The following TRPM6 variants were observed in gnomAD, a reference collection of about 807,000 sequenced individuals.
TRPM6 encodes channel kinase 2.
A neutral mutation model predicts 247.6 loss-of-function variants in TRPM6; 111 were observed. The ratio of observed to expected loss-of-function variants is 0.45; its 90% CI spans 0.38 to 0.52. The LOEUF (loss-of-function observed/expected upper bound fraction) is 0.52, where lower values mean the gene tolerates loss of function less well. Ranked by LOEUF, TRPM6 falls within the 20% of genes least tolerant of loss-of-function variation. The probability of loss-of-function intolerance (pLI) is 0.00; values close to 1 mark genes in which losing one functional copy is unlikely to be tolerated. For synonymous variants in TRPM6, 892 were observed against 853.8 expected, an observed-to-expected ratio of 1.04 and a Z score of -0.78; for missense variants, 2,126 against 2,421.5, an observed-to-expected ratio of 0.88 and a Z score of 2.56.
intron 1 of TRPM6, among the ~76,000 whole-genome samples, chr9:74,871,786 C>T (rs1235751682): frequency 6.6e-6 from 1 of 151,862 alleles, no homozygotes; most frequent in Non-Finnish European, 1.5e-5. Context: ...CTCAAGCAGT[C>T]CTCCCACCCT....
chr9:74,770,718 C>A (rs1827005601), intron 25 of TRPM6, among the ~76,000 whole-genome samples: 2 of 152,168 alleles, frequency 1.3e-5, no homozygotes, highest in South Asian at 4.1e-4. Context: ...AAAAGCCAGA[C>A]CCTCCATTTT....
chr9:74,804,274 C>T (rs1828454444), intron 14 of TRPM6, among the ~76,000 whole-genome samples: 1 of 152,152 alleles, frequency 6.6e-6, no homozygotes, highest in Admixed American at 6.6e-5. Flanking sequence ...TTCCCATTCA[C>T]AAGCAGTTCC....
At chr9:74,740,032 G>C in intron 33 of TRPM6, 23 bp from the exon 34 acceptor site, 1 of 1,612,082 alleles carries the variant, frequency 6.2e-7, no homozygotes, top group Non-Finnish European at 8.5e-7. Flanking sequence ...GTGAAGGCTA[G>C]GAATTCAATA....
chr9:74,787,137 C>A (rs942272870), intron 20 of TRPM6, among the ~76,000 whole-genome samples: 2 of 152,152 alleles, frequency 1.3e-5, no homozygotes, highest in African/African-American at 4.8e-5. Flanking sequence ...GAGTTCAAGA[C>A]CAGCCTGGCC....
At chr9:74,782,073 T>G (rs1057201791) in intron 23 of TRPM6, among the ~76,000 whole-genome samples, 2 of 152,220 alleles carry the variant, frequency 1.3e-5, no homozygotes, top group Non-Finnish European at 2.9e-5. Context: ...TATGAAATAC[T>G]ACACCATTTT....
chr9:74,774,692 T>G (rs1827158664), intron 24 of TRPM6, among the ~76,000 whole-genome samples: 1 of 152,178 alleles, frequency 6.6e-6, no homozygotes, highest in Admixed American at 6.5e-5. Flanking sequence ...TCAGAACTGT[T>G]TTTTTCTAGT....
chr9:74,807,004 C>T (rs997735502), intron 14 of TRPM6, among the ~76,000 whole-genome samples: 8 of 152,318 alleles, frequency 5.3e-5, no homozygotes, highest in African/African-American at 1.7e-4. Context: ...TCACTGGGAA[C>T]CTCACAGCAA....
rs2118897384 is a variant in TRPM6, at chr9:74,775,970, T to C, written c.3316A>G (p.Ile1106Val). ...HEKPWLPPPL[I>V]LLSHVGLLLR... ...AGAAGGCCCACGTGGCTCAGCAGGA[T>C]GAGAGGTGGGGGCAGCCAGGGCTTC... Residue 1106 changes from isoleucine (I) to valine (V), a missense_variant, in exon 24 of 39, where the codon ATC (isoleucine) becomes GTC (valine). By Grantham distance (29) the Ile-to-Val change is conservative. Coordinates refer to ENST00000360774, the MANE Select transcript of TRPM6 (RefSeq NM_017662.5). 3 of 1,614,082 alleles carry C rather than the reference T, an allele frequency of 1.9e-6. No homozygotes were observed. Among genetic ancestry groups the C allele is most frequent in the South Asian group, 1.1e-5 (1 of 91,078 alleles).
rs866083540 is a variant in TRPM6 at position 74,808,271 on chromosome 9, G to C, written c.1498-97C>G. 63 of 1,453,594 alleles carry C rather than the reference G, an allele frequency of 4.3e-5. 1 individual carries two copies. The Middle Eastern group carries it at 6.9e-4, about 16-fold the overall frequency. 90.0% of individuals were successfully genotyped at this position (1,453,594 alleles called of 1,614,324 possible). A position where few individuals can be genotyped will look rare whatever the true frequency, so the allele number is the denominator to read the frequency against. On this transcript the variant is annotated intron_variant, in intron 13 of 38. Coordinates refer to ENST00000360774, the MANE Select transcript of TRPM6 (RefSeq NM_017662.5). ...ACATAATCAAATTAATTGCAAGAAGGTAGACATACCTTTTAAATATCTTTA... is the reference window on the plus strand; with the variant it reads ...ACATAATCAAATTAATTGCAAGAAGCTAGACATACCTTTTAAATATCTTTA...
intron 15 of TRPM6, among the ~76,000 whole-genome samples, chr9:74,802,605 C>T (rs572039483): frequency 5.2e-4 from 79 of 152,154 alleles, no homozygotes; most frequent in Non-Finnish European, 7.8e-4. Flanking sequence ...GGAAATGGGT[C>T]GAAATAGCGT....
intron 30 of TRPM6, among the ~76,000 whole-genome samples, chr9:74,749,936 T>C (rs1214543915): frequency 6.6e-6 from 1 of 152,174 alleles, no homozygotes; most frequent in African/African-American, 2.4e-5. Context: ...GGCACTTCCA[T>C]AGAGTAGATG....
rs373262736 is a variant in TRPM6 at position 74,795,276 on chromosome 9, G to A, written c.2391+1465C>T. Among the ~76,000 whole-genome samples the A allele has an allele frequency of 4.6e-5, 7 of 152,254 alleles. No homozygotes were observed. In the East Asian group the frequency reaches 1.4e-3, roughly 29 times the overall value. ...TGCTAAACCATCCTATGCCCTGGAGGCAGAATAATTTCTCTAATAGTCAGA... is the reference window on the plus strand; with the variant it reads ...TGCTAAACCATCCTATGCCCTGGAGACAGAATAATTTCTCTAATAGTCAGA... On this transcript the variant is annotated intron_variant, in intron 18 of 38. Transcript: ENST00000360774.
At chr9:74,867,661 C>A (rs1453186802) in intron 1 of TRPM6, among the ~76,000 whole-genome samples, 1 of 152,140 alleles carries the variant, frequency 6.6e-6, no homozygotes, top group Non-Finnish European at 1.5e-5. Flanking sequence ...CCACACCCAC[C>A]CTCCAGAAGA....
intron 11 of TRPM6, among the ~76,000 whole-genome samples, chr9:74,816,165 C>T (rs1056010887): frequency 5.3e-5 from 8 of 151,986 alleles, no homozygotes; most frequent in African/African-American, 1.9e-4. Context: ...CCAGCCTGGG[C>T]AATATAACAA....
At position 74,786,093 on chromosome 9, in the gene TRPM6, T is replaced by C; in HGVS notation, c.2700A>G (p.Gln900=). 1 of 1,614,164 alleles carries C rather than the reference T, an allele frequency of 6.2e-7. No individual in the cohort carries two copies. The highest frequency in any genetic ancestry group is 1.1e-5 in the South Asian group (1 of 91,086). The change falls in exon 21 of 39, where the codon CAA becomes CAG. Residue 900 remains glutamine (Q), a synonymous_variant. Coordinates refer to ENST00000360774, the MANE Select transcript of TRPM6 (RefSeq NM_017662.5). ...ICISEPGKFT[Q]KVKVWISEYW... ...ACTCACTAATCCATACCTTCACCTT[T>C]TGGGTAAACTTCCCAGGTTCTGAAA...
chr9:74,728,915 G>A (rs1193304393), intron 37 of TRPM6, among the ~76,000 whole-genome samples: 1 of 152,192 alleles, frequency 6.6e-6, no homozygotes, highest in East Asian at 1.9e-4. Flanking sequence ...TTTGTGGAAA[G>A]ACAAGACTAT....
intron 4 of TRPM6, among the ~76,000 whole-genome samples, chr9:74,841,186 G>A (rs1829927278): frequency 6.6e-6 from 1 of 152,124 alleles, no homozygotes; most frequent in African/African-American, 2.4e-5. Context: ...CAAAAGAAAA[G>A]ATGAGGGAAA....
chr9:74,724,909 T>C (rs572801795), intron 38 of TRPM6, among the ~76,000 whole-genome samples, 163 bp from the exon 39 acceptor site: 1 of 152,306 alleles, frequency 6.6e-6, no homozygotes, highest in South Asian at 2.1e-4. Flanking sequence ...AGATTAAGCC[T>C]CCTTTCCCAC....
At chr9:74,839,644 T>C (rs1213924217) in intron 5 of TRPM6, among the ~76,000 whole-genome samples, 1 of 152,040 alleles carries the variant, frequency 6.6e-6, no homozygotes, top group African/African-American at 2.4e-5. Flanking sequence ...CAGAGGTTTA[T>C]CTGAAGTTAC....
Sources: allele counts gnomAD v4.1 joint callset (sites outside exome capture counted in the v4.1 genomes callset), GRCh38; gene constraint gnomAD v4.1.1; transcripts MANE v1.5; gene names NCBI Gene and HGNC (gene_info 2026-07-23, HGNC 2026-07-21).